Variants in CADPS observed in about 807,000 individuals in gnomAD.
CADPS encodes calcium-dependent secretion activator 1.
Under a neutral mutation model 167.3 loss-of-function variants are expected in CADPS, and 57 were observed. That is an observed-to-expected ratio of 0.34 (90% CI 0.28 to 0.42). The LOEUF (loss-of-function observed/expected upper bound fraction) is 0.42, where lower values mean the gene tolerates loss of function less well. Among genes scored for constraint, CADPS ranks in the 20% least tolerant of loss-of-function variants. The pLI, the probability that CADPS is intolerant of heterozygous loss-of-function variation, is 1.00. For missense variants in CADPS, 1,414 were observed against 1,738.1 expected (o/e 0.81, Z 3.32); for synonymous variants, 676 against 635.3 (o/e 1.06, Z -0.96).
At chr3:62,841,976 AC>A (rs1297562281) in intron 1 of CADPS, among the ~76,000 whole-genome samples, 1 of 152,234 alleles carries the variant, frequency 6.6e-6, no homozygotes, top group African/African-American at 2.4e-5. Context: ...TGGATCTTAG[AC>A]ACGAATGTAG....
intron 6 of CADPS, among the ~76,000 whole-genome samples, chr3:62,609,695 C>A (rs913050351): frequency 6.6e-6 from 1 of 152,178 alleles, no homozygotes; most frequent in Non-Finnish European, 1.5e-5. Context: ...TCAGGCAAAG[C>A]ATTAACACAT....
Position 62,399,468 on chromosome 3 carries a change from C to G in CADPS, c.4000G>C (p.Gly1334Arg). 6.2e-7 allele frequency: 1 copy of G among 1,614,194 alleles called. No individual in the cohort carries two copies. The highest frequency in any genetic ancestry group is 8.5e-7 in the Non-Finnish European group (1 of 1,180,020). ...ATGCTGATGCCCTGCAGTCCCCCAC[C>G]TTCACTCACTGATGCTGTGGCTTCC... ...VEEATASVSE[G>R]GGLQGISMKD... Residue 1334 changes from glycine (G) to arginine (R), a missense_variant, in exon 30 of 30, where the codon GGT becomes CGT. By Grantham distance (125) the Gly-to-Arg change is moderately radical. Coordinates refer to ENST00000383710, the MANE Select transcript of CADPS (RefSeq NM_003716.4). This position sits in a 1 kb window ranked among gnomAD's most constrained non-coding sequence, Gnocchi z 5.6.
intron 3 of CADPS, among the ~76,000 whole-genome samples, chr3:62,726,077 C>T (rs1003638305): frequency 2.0e-5 from 3 of 151,526 alleles, no homozygotes; most frequent in Non-Finnish European, 2.9e-5. Context: ...TGACCAAAGG[C>T]AGAGCATAGA....
rs567999954 is a variant in CADPS, at chr3:62,570,486, G to A, written c.1644+386C>T. On this transcript the variant is annotated intron_variant, in intron 9 of 29. Coordinates refer to ENST00000383710, the MANE Select transcript of CADPS (RefSeq NM_003716.4). ...TACATTGTTTTCAGCCAAAGTTAATGTCCCTATAGCCCTCACTTGGCATGA... is the reference window on the plus strand; with the variant it reads ...TACATTGTTTTCAGCCAAAGTTAATATCCCTATAGCCCTCACTTGGCATGA... Among the ~76,000 whole-genome samples, 5 of 152,280 alleles carry A rather than the reference G, an allele frequency of 3.3e-5. No homozygotes were observed. In the East Asian group the frequency reaches 9.6e-4, roughly 29 times the overall value.
intron 9 of CADPS, among the ~76,000 whole-genome samples, chr3:62,560,066 C>T (rs2078884620): frequency 6.6e-6 from 1 of 151,586 alleles, no homozygotes. Flanking sequence ...GCTGAAGTCA[C>T]TCTCCACAAA....
chr3:62,477,767 A>C (rs145882479), intron 23 of CADPS, among the ~76,000 whole-genome samples: 1,809 of 152,278 alleles, frequency 0.012, 14 homozygotes, highest in Non-Finnish European at 0.018. Context: ...GTTGGCCCAC[A>C]TATATGCTCA....
At position 62,551,263 on chromosome 3, in the gene CADPS, C is replaced by T. The variant is rs116294994; in HGVS notation, c.1754-1148G>A. On this transcript the variant is annotated intron_variant, in intron 10 of 29. Coordinates refer to ENST00000383710, the MANE Select transcript of CADPS (RefSeq NM_003716.4). ...GCAAAGCTGAGCCCATCTCTCTTGC[C>T]ACTCAAGTCCCCAGTCTTGGGGTCA... is the stretch of plus-strand genomic sequence containing the variant. Among the ~76,000 whole-genome samples, 568 of 152,310 alleles carry T rather than the reference C, an allele frequency of 3.7e-3. 6 individuals are homozygous for T. The highest frequency in any genetic ancestry group is 0.018 in the South Asian group (85 of 4,816).
At chr3:62,721,212 T>TTC (rs1157799227) in intron 3 of CADPS, among the ~76,000 whole-genome samples, 1 of 151,130 alleles carries the variant, frequency 6.6e-6, no homozygotes, top group Non-Finnish European at 1.5e-5. Context: ...CATAAAGTGC[T>TTC]TCTGCTCATC....
At chr3:62,449,356 C>T (rs992300836) in intron 26 of CADPS, among the ~76,000 whole-genome samples, 2 of 152,108 alleles carry the variant, frequency 1.3e-5, no homozygotes, top group Non-Finnish European at 2.9e-5. Flanking sequence ...ATTCAAGTCC[C>T]CTTAGAGGTA....
At chr3:62,474,947 G>A (rs762678509) in intron 23 of CADPS, among the ~76,000 whole-genome samples, 1 of 152,054 alleles carries the variant, frequency 6.6e-6, no homozygotes, top group Non-Finnish European at 1.5e-5. Flanking sequence ...AGGAGGGGAG[G>A]GAAATTAGGA....
At chr3:62,829,232 T>C (rs1181402991) in intron 1 of CADPS, among the ~76,000 whole-genome samples, 1 of 152,128 alleles carries the variant, frequency 6.6e-6, no homozygotes, top group African/African-American at 2.4e-5. Context: ...GGATCAAAAA[T>C]ATTTTTAAAA....
intron 4 of CADPS, among the ~76,000 whole-genome samples, chr3:62,652,511 G>T (rs1477066512): frequency 1.3e-5 from 2 of 151,942 alleles, no homozygotes; most frequent in African/African-American, 4.8e-5. Context: ...ACTCTGTCAA[G>T]CAGTTGAACT....
chr3:62,435,350 A>G (rs2054780984), intron 28 of CADPS, among the ~76,000 whole-genome samples: 1 of 152,230 alleles, frequency 6.6e-6, no homozygotes, highest in African/African-American at 2.4e-5. Context: ...ACAAAGAAAT[A>G]AACACCATGC....
At chr3:62,609,314 C>T (rs750924544) in intron 6 of CADPS, among the ~76,000 whole-genome samples, 5 of 151,958 alleles carry the variant, frequency 3.3e-5, no homozygotes, top group Admixed American at 6.6e-5. Flanking sequence ...GATAGATTCA[C>T]GGTATACAGT....
chr3:62,722,935 AT>A (rs2076089432), intron 3 of CADPS, among the ~76,000 whole-genome samples: 1 of 152,148 alleles, frequency 6.6e-6, no homozygotes, highest in Non-Finnish European at 1.5e-5. Flanking sequence ...CCCCAGCTGA[AT>A]AAAAAACTCA....
chr3:62,727,258 G>A (rs1186674275), intron 3 of CADPS, among the ~76,000 whole-genome samples: 1 of 151,878 alleles, frequency 6.6e-6, no homozygotes, highest in East Asian at 1.9e-4. Context: ...ATACTGCACA[G>A]CAGTGAAGGA....
At chr3:62,719,593 C>G (rs763941241) in intron 3 of CADPS, among the ~76,000 whole-genome samples, 7 of 152,208 alleles carry the variant, frequency 4.6e-5, no homozygotes, top group Non-Finnish European at 8.8e-5. Context: ...ATTCTCAGTG[C>G]CAAGCACAGT....
At chr3:62,788,475 T>G (rs1489228186) in intron 1 of CADPS, among the ~76,000 whole-genome samples, 2 of 152,146 alleles carry the variant, frequency 1.3e-5, no homozygotes, top group African/African-American at 4.8e-5. Context: ...AGATCGTAAA[T>G]AAGGTCTTAA....
At chr3:62,850,872 G>A (rs1431189429) in intron 1 of CADPS, among the ~76,000 whole-genome samples, 5 of 151,730 alleles carry the variant, frequency 3.3e-5, no homozygotes, top group Admixed American at 6.6e-5. Context: ...TTGACAGTGG[G>A]GTGTTACAGT....
Sources: gnomAD v4.1 joint callset for allele counts (sites outside exome capture counted in the v4.1 genomes callset) on GRCh38, gnomAD v4.1.1 for gene constraint, Gnocchi (gnomAD v3.1) non-coding constraint, MANE v1.5 for transcripts, NCBI Gene and HGNC (gene_info 2026-07-23, HGNC 2026-07-21) for gene names.